COBL: variants seen among roughly 807,000 people sequenced by gnomAD.
COBL encodes protein cordon-bleu.
A neutral mutation model predicts 98.8 loss-of-function variants in COBL; 51 were observed. The observed-to-expected ratio is 0.52, with a 90% CI of 0.41 to 0.65. COBL has a LOEUF of 0.65. Among genes scored for constraint, COBL ranks in the 30% least tolerant of loss-of-function variants. The pLI is 0.00. For synonymous variants in COBL, 634 were observed against 651.7 expected (o/e 0.97, Z 0.41); for missense variants, 1,617 against 1,617.5 (o/e 1.00, Z 0.01).
intron 7 of COBL, among the ~76,000 whole-genome samples, chr7:51,084,011 G>C (rs895217235): frequency 6.6e-6 from 1 of 152,158 alleles, no homozygotes; most frequent in African/African-American, 2.4e-5. Flanking sequence ...GGCTCTTCAC[G>C]AAACAGGAGA....
At position 51,024,976 on chromosome 7, in the gene COBL, C is replaced by G. The variant is rs115712082; in HGVS notation, c.3768+133G>C. The G allele has an allele frequency of 1.2e-3, 1,393 of 1,201,056 alleles. 11 individuals carry two copies. In the African/African-American group the frequency reaches 0.019, roughly 16 times the overall value. 74.4% of individuals were successfully genotyped at this position (1,201,056 alleles called of 1,614,324 possible). A position where few individuals can be genotyped will look rare whatever the true frequency, so the allele number is the denominator to read the frequency against. On this transcript the variant is annotated intron_variant, in intron 12 of 12. Transcript: ENST00000265136. Reference sequence around the variant, plus strand: ...TCAGCACATGTGAGAGACACAGTGACGCCGGCTCTCTCTCAACCCACTCCC... The same window carrying G: ...TCAGCACATGTGAGAGACACAGTGAGGCCGGCTCTCTCTCAACCCACTCCC...
intron 2 of COBL, among the ~76,000 whole-genome samples, chr7:51,194,769 G>C (rs1274555106): frequency 6.6e-6 from 1 of 151,934 alleles, no homozygotes; most frequent in East Asian, 1.9e-4. Flanking sequence ...CTTTTGAAAA[G>C]TGTCTGTTCA....
rs1359191629 is a variant in COBL at position 51,027,749 on chromosome 7, G to C, written c.3347C>G (p.Ala1116Gly). Reference protein sequence around the residue: ...DTSLHSALMEAIHSAGGKDRL... With the variant: ...DTSLHSALMEGIHSAGGKDRL... ...GTCCTTCCCTCCCGCAGAGTGGATGGCTTCCATCAGGGCAGAGTGCAGGGA... is the reference window on the plus strand; with the variant it reads ...GTCCTTCCCTCCCGCAGAGTGGATGCCTTCCATCAGGGCAGAGTGCAGGGA... The change falls in exon 10 of 13, where the codon GCC becomes GGC. Residue 1116 changes from alanine to glycine, a missense_variant. Coordinates refer to ENST00000265136, the MANE Select transcript of COBL (RefSeq NM_015198.5). 7 of 1,614,116 alleles carry C rather than the reference G, an allele frequency of 4.3e-6. No homozygotes were observed. Among genetic ancestry groups the C allele is most frequent in the Non-Finnish European group, 5.9e-6 (7 of 1,179,984 alleles).
chr7:51,130,326 C>T (rs975365653), intron 6 of COBL, among the ~76,000 whole-genome samples: 1 of 152,078 alleles, frequency 6.6e-6, no homozygotes, highest in African/African-American at 2.4e-5. Flanking sequence ...AGATCAGAGC[C>T]CTCTAATTAG....
intron 12 of COBL, among the ~76,000 whole-genome samples, chr7:51,024,873 G>A (rs1787362885): frequency 6.6e-6 from 1 of 152,182 alleles, no homozygotes; most frequent in Admixed American, 6.5e-5. Context: ...CCAAGGAGCT[G>A]AGGACTGGAG....
chr7:51,235,617 C>G (rs1394637430), intron 1 of COBL, among the ~76,000 whole-genome samples: 2 of 152,212 alleles, frequency 1.3e-5, no homozygotes, highest in Admixed American at 1.3e-4. Flanking sequence ...ACATCCCTGA[C>G]CTTGAGAAGG....
intron 2 of COBL, among the ~76,000 whole-genome samples, chr7:51,209,588 C>T (rs1487048679): frequency 2.6e-5 from 4 of 152,186 alleles, no homozygotes; most frequent in Admixed American, 1.3e-4. Flanking sequence ...CACAGAGAAC[C>T]CTCAGCATAG....
At chr7:51,096,966 G>A (rs1795322935) in intron 6 of COBL, among the ~76,000 whole-genome samples, 1 of 152,010 alleles carries the variant, frequency 6.6e-6, no homozygotes, top group South Asian at 2.1e-4. Context: ...TATTGATGAG[G>A]AGGAAGACTT....
intron 1 of COBL, among the ~76,000 whole-genome samples, chr7:51,280,380 G>A (rs1434969503): frequency 6.6e-6 from 1 of 152,214 alleles, no homozygotes; most frequent in African/African-American, 2.4e-5. Flanking sequence ...GTCCTGAGGT[G>A]GCAGAGTGGG....
chr7:51,135,717 G>A (rs1799169509), intron 6 of COBL, among the ~76,000 whole-genome samples: 1 of 152,200 alleles, frequency 6.6e-6, no homozygotes, highest in African/African-American at 2.4e-5. Flanking sequence ...GACACATGCG[G>A]CAAGAGTTAG....
At chr7:51,219,131 T>C (rs996862114) in intron 2 of COBL, among the ~76,000 whole-genome samples, 4 of 152,166 alleles carry the variant, frequency 2.6e-5, no homozygotes, top group Non-Finnish European at 5.9e-5. Context: ...GCACCTTTTG[T>C]GAGTGAAGTG....
At chr7:51,160,676 C>T (rs938632231) in intron 5 of COBL, among the ~76,000 whole-genome samples, 3 of 152,128 alleles carry the variant, frequency 2.0e-5, no homozygotes, top group Admixed American at 2.0e-4. Flanking sequence ...TAAGAGGTCA[C>T]AAACTGTATG....
chr7:51,073,487 C>A (rs1792767620), intron 7 of COBL: 1 of 522,344 alleles, frequency 1.9e-6, no homozygotes. Context: ...TTTAACACTG[C>A]ATAGCAAGCG....
chr7:51,225,590 G>A (rs1164722263), intron 1 of COBL, among the ~76,000 whole-genome samples: 1 of 152,224 alleles, frequency 6.6e-6, no homozygotes, highest in Admixed American at 6.5e-5. Context: ...AAACCTGGGT[G>A]TGCCCTGGCA....
At chr7:51,232,669 G>T (rs1295300405) in intron 1 of COBL, among the ~76,000 whole-genome samples, 6 of 152,032 alleles carry the variant, frequency 3.9e-5, no homozygotes, top group Non-Finnish European at 7.4e-5. Flanking sequence ...AAATCAGCTG[G>T]GCGTGGTGGC....
chr7:51,173,322 A>G (rs1229767943), intron 5 of COBL, among the ~76,000 whole-genome samples: 3 of 151,978 alleles, frequency 2.0e-5, no homozygotes, highest in African/African-American at 7.3e-5. Context: ...CTGGGACTAC[A>G]GGCACATGCC....
At position 51,028,053 on chromosome 7, in the gene COBL, C is replaced by G. The variant is rs17134127; in HGVS notation, c.3043G>C (p.Ala1015Pro). The G allele has an allele frequency of 7.1e-3, 11,397 of 1,610,082 alleles. 657 individuals are homozygous for G. The African/African-American group carries it at 0.13, about 18-fold the overall frequency. ...GGGGGTGGGTCTGTACCATCAGGTGCGCGTCTGGGCTCAGATGCTGAGCTG... is the reference window on the plus strand; with the variant it reads ...GGGGGTGGGTCTGTACCATCAGGTGGGCGTCTGGGCTCAGATGCTGAGCTG... Reference protein sequence around the residue: ...EASSASEPRRAPDGTDPPPPH... With the variant: ...EASSASEPRRPPDGTDPPPPH... The change falls in exon 10 of 13, where the codon GCA becomes CCA. Residue 1015 changes from alanine to proline, a missense_variant. Coordinates refer to ENST00000265136, the MANE Select transcript of COBL (RefSeq NM_015198.5).
chr7:51,308,820 T>A (rs1036058856), intron 1 of COBL, among the ~76,000 whole-genome samples: 9 of 152,098 alleles, frequency 5.9e-5, no homozygotes, highest in African/African-American at 2.2e-4. Flanking sequence ...AACAGAGACA[T>A]CATAAAAAGC....
intron 1 of COBL, chr7:51,316,245 G>C (rs1458733880): frequency 1.5e-5 from 3 of 202,296 alleles, no homozygotes; most frequent in Non-Finnish European, 3.0e-5. Flanking sequence ...CCACCCCTAC[G>C]GCAAACACTT....
Sources: allele counts gnomAD v4.1 joint callset (sites outside exome capture counted in the v4.1 genomes callset), GRCh38; gene constraint gnomAD v4.1.1; transcripts MANE v1.5; gene names NCBI Gene and HGNC (gene_info 2026-07-23, HGNC 2026-07-21).